LAMA2: variants seen among roughly 807,000 people sequenced by gnomAD.
LAMA2 encodes the protein laminin subunit alpha 2, also known as laminin subunit alpha-2.
A neutral mutation model predicts 364.8 loss-of-function variants in LAMA2; 269 were observed. The ratio of observed to expected loss-of-function variants is 0.74; its 90% confidence interval spans 0.67 to 0.82. The LOEUF is 0.82. Ranked by LOEUF, LAMA2 falls within the 40% of genes least tolerant of loss-of-function variation. The pLI, the probability that LAMA2 is intolerant of heterozygous loss-of-function variation, is 0.00. For missense variants in LAMA2, 3,807 were observed against 3,873.2 expected, an observed-to-expected ratio of 0.98 and a Z score of 0.45; for synonymous variants, 1,379 against 1,370.6, an observed-to-expected ratio of 1.01 and a Z score of -0.14.
chr6:129,160,567 GATTCTGTTCT>G (rs1403424541), intron 8 of LAMA2, among the ~76,000 whole-genome samples: 1 of 151,344 alleles, frequency 6.6e-6, no homozygotes. Flanking sequence ...TGTTTTTATT[GATTCTGTTCT>G]ATTTATTATA....
intron 35 of LAMA2, among the ~76,000 whole-genome samples, chr6:129,390,745 CAAATG>C (rs1469943394): frequency 6.6e-6 from 1 of 152,112 alleles, no homozygotes; most frequent in East Asian, 1.9e-4. Flanking sequence ...ATTCTTTTCT[CAAATG>C]AAATCCTGCC....
At chr6:129,191,015 C>T (rs927930874) in intron 11 of LAMA2, among the ~76,000 whole-genome samples, 2 of 152,098 alleles carry the variant, frequency 1.3e-5, no homozygotes, top group African/African-American at 4.8e-5. Flanking sequence ...GAAAATGGGA[C>T]CTTCTGGGAA....
intron 11 of LAMA2, 144 bp from the exon 12 acceptor site, chr6:129,192,536 A>G: frequency 1.4e-6 from 1 of 699,702 alleles, no homozygotes; most frequent in Non-Finnish European, 2.5e-6. Context: ...GATATTCATA[A>G]TGCTCAGGTT....
intron 12 of LAMA2, among the ~76,000 whole-genome samples, chr6:129,231,024 C>T (rs1784641248): frequency 6.6e-6 from 1 of 152,050 alleles, no homozygotes; most frequent in East Asian, 1.9e-4. Context: ...GTGTGCTGTA[C>T]ACTAAATATC....
intron 15 of LAMA2, among the ~76,000 whole-genome samples, chr6:129,261,341 G>A (rs1787113875): frequency 6.6e-6 from 1 of 151,916 alleles, no homozygotes; most frequent in East Asian, 1.9e-4. Flanking sequence ...CTGCCTACAG[G>A]TCTTTGATTT....
intron 1 of LAMA2, among the ~76,000 whole-genome samples, chr6:128,918,844 T>C (rs1461999683): frequency 2.0e-5 from 3 of 152,206 alleles, no homozygotes; most frequent in African/African-American, 4.8e-5. Context: ...TTCAGCCTTC[T>C]GATCATTTTC....
intron 1 of LAMA2, among the ~76,000 whole-genome samples, chr6:128,884,855 C>G (rs1776056635): frequency 6.6e-6 from 1 of 152,150 alleles, no homozygotes; most frequent in South Asian, 2.1e-4. Flanking sequence ...GGGCACCAAT[C>G]CTTATGTCCA....
At chr6:129,367,419 A>G (rs1415492335) in intron 33 of LAMA2, among the ~76,000 whole-genome samples, 2 of 152,250 alleles carry the variant, frequency 1.3e-5, no homozygotes, top group Non-Finnish European at 2.9e-5. Flanking sequence ...TAGCAAGAAT[A>G]CATAATGACC....
chr6:128,959,399 G>A (rs1425255165), intron 1 of LAMA2, among the ~76,000 whole-genome samples: 1 of 152,066 alleles, frequency 6.6e-6, no homozygotes, highest in Admixed American at 6.6e-5. Flanking sequence ...CCCTCTTTTA[G>A]ATATCAGCTG....
intron 12 of LAMA2, among the ~76,000 whole-genome samples, chr6:129,196,969 T>C (rs567792395): frequency 5.9e-5 from 9 of 152,162 alleles, no homozygotes; most frequent in African/African-American, 2.2e-4. Flanking sequence ...GAAGGGACGA[T>C]TACACATTCC....
chr6:129,283,483 T>C (rs997069276), intron 18 of LAMA2, among the ~76,000 whole-genome samples: 8 of 152,020 alleles, frequency 5.3e-5, no homozygotes, highest in Admixed American at 2.0e-4. Flanking sequence ...CTTAATGGGA[T>C]ACATAGACTT....
chr6:129,128,636 T>G (rs1357254132), intron 4 of LAMA2, among the ~76,000 whole-genome samples: 1 of 152,264 alleles, frequency 6.6e-6, no homozygotes, highest in Non-Finnish European at 1.5e-5. Context: ...GAACACAGGA[T>G]ATCTTTCCAT....
At chr6:128,978,648 C>T (rs1009868864) in intron 1 of LAMA2, among the ~76,000 whole-genome samples, 2 of 152,146 alleles carry the variant, frequency 1.3e-5, no homozygotes, top group African/African-American at 4.8e-5. Flanking sequence ...CACTTGCTTG[C>T]AGTCTTTGGA....
In LAMA2 at chr6:129,393,069, AG is replaced by A. The variant is rs794727594; in HGVS notation, c.5260del (p.Val1754Ter). 3.3e-5 allele frequency: 54 copies of A among 1,613,782 alleles called. No homozygotes were observed. The highest frequency in any genetic ancestry group is 4.3e-5 in the Non-Finnish European group (51 of 1,179,942). On this transcript the variant is annotated frameshift_variant, in exon 37 of 65. Transcript: ENST00000421865. LOFTEE classifies it high-confidence loss of function. ...LVAAEALLKK[V>X]KKLFGESRGE... Reference sequence around the variant, plus strand: ...GAGCTGCAGAAGCCCTTCTGAAAAAAGTGAAGAAGCTGTTTGGAGAGTCCCG... The same window carrying A: ...GAGCTGCAGAAGCCCTTCTGAAAAAATGAAGAAGCTGTTTGGAGAGTCCCG...
intron 58 of LAMA2, among the ~76,000 whole-genome samples, chr6:129,496,882 T>TAATA (rs1785232725): frequency 6.6e-6 from 1 of 152,224 alleles, no homozygotes; most frequent in Non-Finnish European, 1.5e-5. Context: ...ATAAGGATAA[T>TAATA]AATATCTTCC....
At chr6:129,047,097 C>T (rs574057452) in intron 1 of LAMA2, among the ~76,000 whole-genome samples, 2 of 151,968 alleles carry the variant, frequency 1.3e-5, no homozygotes, top group East Asian at 1.9e-4. Flanking sequence ...TAGATAATGG[C>T]GTGGAGACCA....
At chr6:129,219,833 G>C (rs899428811) in intron 12 of LAMA2, among the ~76,000 whole-genome samples, 7 of 147,452 alleles carry the variant, frequency 4.7e-5, no homozygotes, top group South Asian at 2.3e-4. Flanking sequence ...GTTGTGGGGT[G>C]GGGGGGAGGG....
chr6:129,440,857 C>G lies in LAMA2; in HGVS notation c.6127C>G (p.Gln2043Glu). 2 of 1,613,940 alleles carry G rather than the reference C, an allele frequency of 1.2e-6. No homozygotes were observed. The highest frequency in any genetic ancestry group is 1.7e-6 in the Non-Finnish European group (2 of 1,179,888). ...GCAAGCTGTTAAGGACAAAGCCAGACAAGCCAACGACACAGCTAAAGATGT... is the reference window on the plus strand; with the variant it reads ...GCAAGCTGTTAAGGACAAAGCCAGAGAAGCCAACGACACAGCTAAAGATGT... ...KLQAVKDKARQANDTAKDVLA... is the reference protein window; with the variant it reads ...KLQAVKDKAREANDTAKDVLA... Residue 2043 changes from glutamine (Q) to glutamate (E), a missense_variant, in exon 43 of 65, where the codon CAA becomes GAA. Around this residue, in one of 3 missense-constraint regions of LAMA2, gnomAD observed 3,333 missense variants for 3,345.7 expected, o/e 1.00. Coordinates refer to ENST00000421865, the MANE Select transcript of LAMA2 (RefSeq NM_000426.4).
chr6:129,200,475 TGTA>T (rs1782211431), intron 12 of LAMA2, among the ~76,000 whole-genome samples: 1 of 150,598 alleles, frequency 6.6e-6, no homozygotes, highest in African/African-American at 2.4e-5. Flanking sequence ...CACATATACA[TGTA>T]TATATATGTG....
Sources: gnomAD v4.1 joint callset for allele counts (sites outside exome capture counted in the v4.1 genomes callset) on GRCh38, gnomAD v4.1.1 for gene constraint, gnomAD v4.1.1 regional missense constraint, MANE v1.5 for transcripts, NCBI Gene and HGNC (gene_info 2026-07-23, HGNC 2026-07-21) for gene names.